The following CDH12 variants were observed in gnomAD, a reference collection of about 807,000 sequenced individuals.
CDH12 encodes cadherin-12.
Under a neutral mutation model 74.1 loss-of-function variants are expected in CDH12, and 41 were observed. That is an observed-to-expected ratio of 0.55 (90% CI 0.43 to 0.72). The LOEUF is 0.72. CDH12 is among the 30% of genes least tolerant of loss of function. The pLI is 0.00. For missense variants in CDH12, 945 were observed against 977.2 expected (o/e 0.97, Z 0.44); for synonymous variants, 399 against 355.0 (o/e 1.12, Z -1.39).
chr5:22,565,472 C>A (rs1023752624), intron 1 of CDH12, among the ~76,000 whole-genome samples: 2 of 152,164 alleles, frequency 1.3e-5, no homozygotes, highest in African/African-American at 4.8e-5. Context: ...TTACAATTAA[C>A]TCATTTCCTG....
intron 14 of CDH12, among the ~76,000 whole-genome samples, chr5:21,754,695 G>T (rs1226854454): frequency 2.0e-5 from 3 of 152,008 alleles, no homozygotes; most frequent in African/African-American, 4.8e-5. Context: ...ATAAAGTCAG[G>T]TGTCCATATT....
intron 8 of CDH12, among the ~76,000 whole-genome samples, chr5:21,821,317 A>T (rs749140005): frequency 7.9e-4 from 120 of 152,044 alleles, no homozygotes; most frequent in East Asian, 9.6e-4. Context: ...CAAAATAAAT[A>T]TATTTACTTG....
intron 1 of CDH12, among the ~76,000 whole-genome samples, chr5:22,831,347 G>T (rs1181819359): frequency 3.7e-5 from 5 of 135,486 alleles, no homozygotes; most frequent in South Asian, 5.1e-4. Flanking sequence ...AGGGGTTTTG[G>T]AGTTTGTGTG....
intron 1 of CDH12, among the ~76,000 whole-genome samples, chr5:22,691,498 C>T (rs958276730): frequency 6.6e-6 from 1 of 152,154 alleles, no homozygotes; most frequent in Non-Finnish European, 1.5e-5. Flanking sequence ...CATCATAATA[C>T]CTAACTGAAA....
intron 2 of CDH12, among the ~76,000 whole-genome samples, chr5:22,479,772 G>A (rs1346906478): frequency 2.6e-5 from 4 of 152,102 alleles, no homozygotes; most frequent in Admixed American, 6.6e-5. Flanking sequence ...TATTTGAAAT[G>A]AGCGCACATT....
Position 21,751,816 on chromosome 5 carries a change from G to C in CDH12, c.2306C>G (p.Thr769Arg). The C allele has an allele frequency of 6.2e-7, 1 of 1,614,100 alleles. No homozygotes were observed. Among genetic ancestry groups the C allele is most frequent in the South Asian group, 1.1e-5 (1 of 91,080 alleles). Residue 769 changes from threonine (T) to arginine (R), a missense_variant, in exon 15 of 15, where the codon ACA becomes AGA. Around this residue, in one of 3 missense-constraint regions of CDH12, gnomAD observed 791 missense variants for 792.8 expected, o/e 1.00. Coordinates refer to ENST00000382254, the MANE Select transcript of CDH12 (RefSeq NM_004061.5). ...TEADQDYDYL[T>R]DWGPRFKVLA... is the part of the protein sequence containing the mutation. ...GACTTTAAAGCGGGGTCCCCAGTCT[G>C]TCAGATAGTCATAGTCCTGGTCGGC...
chr5:22,441,207 T>C (rs1374491497), intron 2 of CDH12, among the ~76,000 whole-genome samples: 2 of 152,218 alleles, frequency 1.3e-5, no homozygotes, highest in Non-Finnish European at 2.9e-5. Flanking sequence ...TCTGTGAATA[T>C]ATTTGTGAAT....
Position 21,975,325 on chromosome 5 carries a change from C to A in CDH12, c.292G>T (p.Ala98Ser). The change falls in exon 6 of 15, where the codon GCT (alanine) becomes TCT (serine). Residue 98 changes from alanine (A) to serine (S), a missense_variant. Ala to Ser is a moderately conservative substitution (Grantham distance 99). Transcript: ENST00000382254. Reference protein sequence around the residue: ...TVKYTLSGDGAGTVFTIDETT... With the variant: ...TVKYTLSGDGSGTVFTIDETT... ...TCATCAATGGTAAAAACGGTGCCAG[C>A]GCCATCTCCTGAGAGGGTGTATTTC... The A allele has an allele frequency of 2.5e-6, 4 of 1,597,086 alleles. No homozygotes were observed. Among genetic ancestry groups the A allele is most frequent in the Non-Finnish European group, 3.4e-6 (4 of 1,179,484 alleles).
intron 2 of CDH12, among the ~76,000 whole-genome samples, chr5:22,442,977 T>C (rs1744685893): frequency 1.3e-5 from 2 of 152,108 alleles, no homozygotes; most frequent in African/African-American, 2.4e-5. Flanking sequence ...GTTTTTTTCC[T>C]CAGTCTGGTA....
intron 6 of CDH12, among the ~76,000 whole-genome samples, chr5:21,880,133 A>T (rs1307835659): frequency 1.3e-5 from 2 of 152,160 alleles, no homozygotes; most frequent in African/African-American, 4.8e-5. Context: ...TACAGTACTG[A>T]ACCTGGGGCC....
chr5:22,786,057 C>A (rs117893143), intron 1 of CDH12, among the ~76,000 whole-genome samples: 1 of 152,072 alleles, frequency 6.6e-6, no homozygotes, highest in East Asian at 1.9e-4. Context: ...AAGACAAAGA[C>A]TCAACTTAAA....
rs543590556 is a variant in CDH12 at position 22,289,717 on chromosome 5, C to A, written c.-332-77074G>T. 1.0e-3 allele frequency among the ~76,000 whole-genome samples: 157 copies of A among 152,240 alleles called. 1 individual carries two copies. Among genetic ancestry groups the A allele is most frequent in the Non-Finnish European group, 1.8e-3 (121 of 68,018 alleles). On this transcript the variant is annotated intron_variant, in intron 3 of 14. Transcript: ENST00000382254. Reference sequence around the variant, plus strand: ...GATTACCTGCATCACTCTCTCCTGACCCCAGGCAGCACAGCACAAGAGAGA... The same window carrying A: ...GATTACCTGCATCACTCTCTCCTGAACCCAGGCAGCACAGCACAAGAGAGA...
At chr5:22,055,308 G>GA (rs1740662445) in intron 5 of CDH12, among the ~76,000 whole-genome samples, 1 of 152,152 alleles carries the variant, frequency 6.6e-6, no homozygotes, top group Non-Finnish European at 1.5e-5. Flanking sequence ...GGCATACAGG[G>GA]ACTTGTTTCC....
chr5:21,967,778 G>A lies in CDH12; in HGVS notation c.526+7313C>T, dbSNP rs879661144. Among the ~76,000 whole-genome samples the A allele has an allele frequency of 2.6e-5, 4 of 152,240 alleles. No individual in the cohort carries two copies. The East Asian group carries it at 7.7e-4, about 29-fold the overall frequency. The stretch of plus-strand genomic sequence containing the variant: ...CAGGAATCAAACAGACGAATAAAAT[G>A]CTCCCTGCCCACACAGCCATAACAT... On this transcript the variant is annotated intron_variant, in intron 6 of 14. Transcript: ENST00000382254.
chr5:21,933,219 C>A (rs376146717), intron 6 of CDH12, among the ~76,000 whole-genome samples: 5 of 152,070 alleles, frequency 3.3e-5, no homozygotes, highest in African/African-American at 2.4e-5. Flanking sequence ...AATTTAATGT[C>A]ATTATATTTG....
intron 1 of CDH12, among the ~76,000 whole-genome samples, chr5:22,841,742 T>C (rs1737091212): frequency 6.6e-6 from 1 of 152,050 alleles, no homozygotes; most frequent in East Asian, 1.9e-4. Context: ...AAGAACTGTG[T>C]TGAGGAGGAG....
chr5:22,427,811 G>A (rs1313909694), intron 2 of CDH12, among the ~76,000 whole-genome samples: 1 of 152,074 alleles, frequency 6.6e-6, no homozygotes, highest in South Asian at 2.1e-4. Context: ...CTATTTTATC[G>A]AAGGTTCCCA....
chr5:22,450,328 T>TA (rs1293064475), intron 2 of CDH12, among the ~76,000 whole-genome samples: 2 of 151,882 alleles, frequency 1.3e-5, no homozygotes, highest in African/African-American at 4.8e-5. Flanking sequence ...ACCTACAAGC[T>TA]AAAAAAATTG....
At chr5:22,534,804 T>C (rs893016275) in intron 1 of CDH12, among the ~76,000 whole-genome samples, 1 of 151,990 alleles carries the variant, frequency 6.6e-6, no homozygotes, top group Non-Finnish European at 1.5e-5. Context: ...TTGAGATTTT[T>C]TTTTTTAGAA....
Sources: gnomAD v4.1 joint callset for allele counts (sites outside exome capture counted in the v4.1 genomes callset) on GRCh38, gnomAD v4.1.1 for gene constraint, gnomAD v4.1.1 regional missense constraint, MANE v1.5 for transcripts, NCBI Gene and HGNC (gene_info 2026-07-23, HGNC 2026-07-21) for gene names.